BRF1: variants seen among roughly 807,000 people sequenced by gnomAD.
The protein encoded by BRF1 is BRF1 general transcription factor IIIB subunit.
A neutral mutation model predicts 81.7 loss-of-function variants in BRF1; 59 were observed. The observed-to-expected ratio is 0.72, with a 90% confidence interval of 0.59 to 0.90. BRF1 has a LOEUF of 0.90. BRF1 is among the 40% of genes least tolerant of loss of function. The pLI, the probability that BRF1 is intolerant of heterozygous loss-of-function variation, is 0.00. For missense variants in BRF1, 1,050 were observed against 936.3 expected (o/e 1.12, Z -1.58); for synonymous variants, 491 against 395.6 (o/e 1.24, Z -2.86).
At chr14:105,304,859 C>T (rs2058140406), upstream of BRF1, among the ~76,000 whole-genome samples, 1 of 152,216 alleles carries the variant, frequency 6.6e-6, no homozygotes, top group South Asian at 2.1e-4. Context: ...GACTTATTCG[C>T]AATCACAAGA....
intron 1 of BRF1, among the ~76,000 whole-genome samples, chr14:105,288,878 C>A (rs587715848): frequency 6.6e-6 from 1 of 151,516 alleles, no homozygotes; most frequent in South Asian, 2.1e-4. Context: ...CAAAAAAAAA[C>A]TGAAAAAAAT....
chr14:105,219,090 C>G, intron 13 of BRF1, 37 bp from the exon 14 acceptor site: 1 of 1,613,964 alleles, frequency 6.2e-7, no homozygotes, highest in Non-Finnish European at 8.5e-7. Flanking sequence ...TCACTGAGGG[C>G]CCACGCCCCA....
At chr14:105,314,507 TGC>T (rs2058466532) in intron 1 of BRF1, 1 of 144,686 alleles carries the variant, frequency 6.9e-6, no homozygotes, top group Admixed American at 6.8e-5. Context: ...GGCGCGTGAG[TGC>T]GCGCTCTCGC....
rs2055676741 is a variant in BRF1 at position 105,252,672 on chromosome 14, A to G, written c.472-93T>C. 8.8e-6 allele frequency: 12 copies of G among 1,357,518 alleles called. No homozygotes were observed. In the South Asian group the frequency reaches 1.7e-4, roughly 19 times the overall value. 84.1% of individuals were successfully genotyped at this position (1,357,518 alleles called of 1,614,324 possible). ...AAAATGCATCTCTTGTGCAGTCTTT[A>G]AAGACTCCGATGGCCCGTGGAGCAG... On this transcript the variant is annotated intron_variant, in intron 4 of 17. Coordinates refer to ENST00000547530, the MANE Select transcript of BRF1 (RefSeq NM_001519.4).
intron 2 of BRF1, among the ~76,000 whole-genome samples, chr14:105,283,466 C>T (rs1225654310): frequency 1.3e-5 from 2 of 152,168 alleles, no homozygotes; most frequent in African/African-American, 4.8e-5. Flanking sequence ...GGGTGGGGGC[C>T]CCGCAGCTTC....
chr14:105,308,098 G>A (rs587673421), intron 1 of BRF1, among the ~76,000 whole-genome samples: 13 of 152,248 alleles, frequency 8.5e-5, no homozygotes, highest in Admixed American at 2.6e-4. Context: ...CAGGAGAATC[G>A]CTTGAACCCA....
intron 6 of BRF1, among the ~76,000 whole-genome samples, 172 bp from the exon 7 acceptor site, chr14:105,229,085 C>T (rs901355767): frequency 6.6e-6 from 1 of 152,204 alleles, no homozygotes; most frequent in Non-Finnish European, 1.5e-5. Context: ...AACGACATGA[C>T]CCTCTCTATC....
At chr14:105,253,374 G>C (rs1376628071) in intron 4 of BRF1, among the ~76,000 whole-genome samples, 2 of 152,186 alleles carry the variant, frequency 1.3e-5, no homozygotes, top group Admixed American at 1.3e-4. Flanking sequence ...GCCCACACTT[G>C]GCTGTCTTCA....
At position 105,209,291 on chromosome 14, in the gene BRF1, G is replaced by A. The variant is rs1889813383; in HGVS notation, c.*1260C>T. ...ATCAGACAAGCCTCAGGCAATTTCTGTTAAGTAACAACAGATCTTCCTGCT... is the reference window on the plus strand; with the variant it reads ...ATCAGACAAGCCTCAGGCAATTTCTATTAAGTAACAACAGATCTTCCTGCT... On this transcript the variant is annotated 3_prime_UTR_variant, in exon 18 of 18. Transcript: ENST00000547530. The A allele has an allele frequency of 8.1e-6, 4 of 492,614 alleles. No homozygotes were observed. In the South Asian group the frequency reaches 8.7e-5, roughly 11 times the overall value. The allele number at this position is 492,614 out of a possible 1,614,324, so 30.5% of individuals were successfully genotyped here.
chr14:105,272,256 G>A (rs1031658637), intron 3 of BRF1, among the ~76,000 whole-genome samples: 2 of 151,842 alleles, frequency 1.3e-5, no homozygotes, highest in African/African-American at 2.4e-5. Context: ...GCTGCACACC[G>A]CTGAGGGTCG....
intron 4 of BRF1, among the ~76,000 whole-genome samples, chr14:105,254,350 G>A (rs780383136): frequency 1.9e-4 from 29 of 152,058 alleles, no homozygotes; most frequent in Non-Finnish European, 4.1e-4. Flanking sequence ...TCTGCCTCCC[G>A]GGTTCACGTC....
intron 17 of BRF1, 112 bp downstream of exon 17, chr14:105,211,010 A>G: frequency 6.7e-7 from 1 of 1,494,504 alleles, no homozygotes; most frequent in Non-Finnish European, 8.9e-7. Flanking sequence ...CTTTCCAGGG[A>G]GAAACAGAAA....
chr14:105,297,605 C>T (rs2057797031), intron 1 of BRF1, among the ~76,000 whole-genome samples: 1 of 151,934 alleles, frequency 6.6e-6, no homozygotes, highest in Non-Finnish European at 1.5e-5. Flanking sequence ...GTCAGCTCTC[C>T]CTAAATATAT....
At chr14:105,262,065 G>A (rs2056185813) in intron 3 of BRF1, among the ~76,000 whole-genome samples, 1 of 152,228 alleles carries the variant, frequency 6.6e-6, no homozygotes, top group African/African-American at 2.4e-5. Flanking sequence ...GGCCCTGGCA[G>A]CACTCAGCAT....
intron 3 of BRF1, among the ~76,000 whole-genome samples, chr14:105,264,369 T>C (rs946273518): frequency 4.0e-5 from 6 of 151,838 alleles, no homozygotes; most frequent in African/African-American, 1.2e-4. Flanking sequence ...ACCTCATCTC[T>C]ATAAAAAATT....
In BRF1 at chr14:105,211,207, G is replaced by A. The variant is rs201365306; in HGVS notation, c.1911C>T (p.His637=). The stretch of plus-strand genomic sequence containing the variant: ...CCTCCTCGTCAGCCTCCTCGTCGGC[G>A]TGGTATGACACGGGCCCGCTCTCCA... ...VLVESGPVSY[H]ADEEADEEEP... is the part of the protein sequence containing the mutation. The change falls in exon 17 of 18, where the codon CAC becomes CAT. Residue 637 remains histidine (H), a synonymous_variant. Transcript: ENST00000547530. The A allele has an allele frequency of 2.9e-5, 47 of 1,611,934 alleles. No homozygotes were observed. The East Asian group carries it at 7.4e-4, about 25-fold the overall frequency.
At chr14:105,246,284 G>A (rs1180140013) in intron 5 of BRF1, among the ~76,000 whole-genome samples, 2 of 152,028 alleles carry the variant, frequency 1.3e-5, no homozygotes, top group East Asian at 3.9e-4. Flanking sequence ...TAGCCAACAA[G>A]CACATGAGTA....
chr14:105,279,267 G>C (rs1208803134), intron 2 of BRF1, among the ~76,000 whole-genome samples: 2 of 152,116 alleles, frequency 1.3e-5, no homozygotes, highest in East Asian at 3.8e-4. Context: ...AAGAGAGTGA[G>C]ACAAGCTACA....
chr14:105,221,855 G>T lies in BRF1; in HGVS notation c.1108C>A (p.Leu370Met). Reference sequence around the variant, plus strand: ...TTCAGGTGGCTGGCCGCGGCTTCCAGCTCCTCGTCCTCTGTGTCCTCCTCG... The same window carrying T: ...TTCAGGTGGCTGGCCGCGGCTTCCATCTCCTCGTCCTCTGTGTCCTCCTCG... Reference protein sequence around the residue: ...CGEEDTEDEELEAAASHLNKD... With the variant: ...CGEEDTEDEEMEAAASHLNKD... Residue 370 changes from leucine to methionine, a missense_variant, in exon 11 of 18, where the codon CTG (leucine) becomes ATG (methionine). Around this residue, in one of 2 missense-constraint regions of BRF1, gnomAD observed 1,043 missense variants for 915.4 expected, o/e 1.14. Coordinates refer to ENST00000547530, the MANE Select transcript of BRF1 (RefSeq NM_001519.4). 6.2e-7 allele frequency: 1 copy of T among 1,605,154 alleles called. No individual in the cohort carries two copies. Among genetic ancestry groups the T allele is most frequent in the South Asian group, 1.1e-5 (1 of 89,806 alleles).
Sources: allele counts gnomAD v4.1 joint callset (sites outside exome capture counted in the v4.1 genomes callset), GRCh38; gene constraint gnomAD v4.1.1; regional missense constraint gnomAD v4.1.1; transcripts MANE v1.5; gene names NCBI Gene and HGNC (gene_info 2026-07-23, HGNC 2026-07-21).